Variants in SPATA13 observed in about 807,000 individuals in gnomAD.
SPATA13 encodes the protein spermatogenesis associated 13, also known as spermatogenesis-associated protein 13.
Under a neutral mutation model 104.0 loss-of-function variants are expected in SPATA13, and 50 were observed. The observed-to-expected ratio is 0.48, with a 90% CI of 0.38 to 0.61. The LOEUF (loss-of-function observed/expected upper bound fraction) is 0.61, where lower values mean the gene tolerates loss of function less well. Among genes scored for constraint, SPATA13 ranks in the 20% least tolerant of loss-of-function variants. The pLI is 0.00. For synonymous variants in SPATA13, 606 were observed against 667.5 expected (o/e 0.91, Z 1.42); for missense variants, 1,524 against 1,690.6 (o/e 0.90, Z 1.73).
chr13:24,006,719 C>G (rs181235867), intron 2 of SPATA13, among the ~76,000 whole-genome samples: 2 of 152,290 alleles, frequency 1.3e-5, no homozygotes, highest in African/African-American at 2.4e-5. Context: ...ATGAGGCCAG[C>G]CTACACATGG....
Position 24,248,028 on chromosome 13 carries a change from C to G in SPATA13, c.1654-1449C>G, listed in dbSNP as rs146696742. On this transcript the variant is annotated intron_variant, in intron 2 of 12. Transcript: ENST00000382108. ...GTGGTTCTGGTTGTCCTCCCTGGGCCCATGGCCTGACTGACAGCCCTTTTT... is the reference window on the plus strand; with the variant it reads ...GTGGTTCTGGTTGTCCTCCCTGGGCGCATGGCCTGACTGACAGCCCTTTTT... 2.1e-3 allele frequency among the ~76,000 whole-genome samples: 314 copies of G among 152,312 alleles called. 1 individual carries two copies. Among genetic ancestry groups the G allele is most frequent in the African/African-American group, 7.3e-3 (305 of 41,568 alleles).
intron 4 of SPATA13, among the ~76,000 whole-genome samples, chr13:24,256,804 G>A (rs1873812703): frequency 1.3e-5 from 2 of 152,350 alleles, no homozygotes; most frequent in South Asian, 4.1e-4. Flanking sequence ...ATAGAGTTGG[G>A]ATAATGAATT....
At position 24,121,376 on chromosome 13, in the gene SPATA13, C is replaced by T. The variant is rs536777338; in HGVS notation, c.-111-101443C>T. Among the ~76,000 whole-genome samples the T allele has an allele frequency of 2.9e-3, 435 of 152,222 alleles. 1 individual carries two copies. Among genetic ancestry groups the T allele is most frequent in the Non-Finnish European group, 5.0e-3 (340 of 68,010 alleles). On this transcript the variant is annotated intron_variant, in intron 3 of 14. Transcript: ENST00000424834. ...ACTTGAAATTACCCTTGCCTCACAC[C>T]CCATTACATCTTTTTATAAACAGCA...
At chr13:24,094,637 T>C (rs1880013507) in intron 3 of SPATA13, among the ~76,000 whole-genome samples, 1 of 152,212 alleles carries the variant, frequency 6.6e-6, no homozygotes, top group Non-Finnish European at 1.5e-5. Context: ...TGCACACCTG[T>C]AGTTTCAGCT....
chr13:24,122,658 T>C lies in SPATA13; in HGVS notation c.-111-100161T>C, dbSNP rs2137826043. 4.4e-6 allele frequency: 5 copies of C among 1,124,262 alleles called. No homozygotes were observed. The South Asian group carries it at 6.2e-5, about 14-fold the overall frequency. The allele number at this position is 1,124,262 out of a possible 1,614,324, so 69.6% of individuals were successfully genotyped here. On this transcript the variant is annotated intron_variant, in intron 3 of 14. Coordinates refer to the SPATA13 transcript ENST00000424834. ...GCACATACTGTATATCACTTCAAGA[T>C]ACTTGGTGACAGACAGAAGTGTGTC...
At chr13:24,172,134 C>T (rs905683708) in intron 1 of SPATA13, among the ~76,000 whole-genome samples, 43 of 152,152 alleles carry the variant, frequency 2.8e-4, no homozygotes, top group African/African-American at 1.0e-3. Flanking sequence ...CTCTGTCCCA[C>T]CCTGCCTTTC....
At chr13:24,272,173 G>T (rs1227282387) in intron 4 of SPATA13, among the ~76,000 whole-genome samples, 2 of 152,194 alleles carry the variant, frequency 1.3e-5, no homozygotes, top group Non-Finnish European at 2.9e-5. Context: ...GCACGAACGG[G>T]CAGGGGTGGG....
chr13:24,255,879 T>G (rs980407504), intron 4 of SPATA13, among the ~76,000 whole-genome samples: 1 of 152,194 alleles, frequency 6.6e-6, no homozygotes, highest in South Asian at 2.1e-4. Flanking sequence ...TTGAGACACG[T>G]TGGGGAGATT....
intron 3 of SPATA13, among the ~76,000 whole-genome samples, chr13:24,103,504 A>AAG (rs1555261734): frequency 4.3e-5 from 5 of 115,580 alleles, no homozygotes; most frequent in Non-Finnish European, 7.1e-5. Flanking sequence ...AAAAAAAAAC[A>AAG]AGAAAGAAAA....
intron 1 of SPATA13, among the ~76,000 whole-genome samples, chr13:24,208,189 G>C (rs1472884863): frequency 6.6e-6 from 1 of 152,196 alleles, no homozygotes; most frequent in African/African-American, 2.4e-5. Context: ...TATTGAATGT[G>C]TTCAGAATCA....
At chr13:24,158,789 G>C (rs1882341640), upstream of SPATA13, among the ~76,000 whole-genome samples, 1 of 152,202 alleles carries the variant, frequency 6.6e-6, no homozygotes, top group Non-Finnish European at 1.5e-5. Context: ...AGGTCCCACT[G>C]TCACCGGCTC....
intron 2 of SPATA13, among the ~76,000 whole-genome samples, chr13:24,237,094 A>G (rs1420248758): frequency 6.6e-6 from 1 of 152,190 alleles, no homozygotes; most frequent in African/African-American, 2.4e-5. Context: ...CGCAGGGCTC[A>G]CGTCTGTAAT....
chr13:24,067,891 A>C (rs1374854791), intron 3 of SPATA13, among the ~76,000 whole-genome samples: 1 of 152,188 alleles, frequency 6.6e-6, no homozygotes, highest in African/African-American at 2.4e-5. Flanking sequence ...TTTAGTAGAC[A>C]TGGGGTTTCA....
intron 3 of SPATA13, among the ~76,000 whole-genome samples, chr13:24,108,918 C>T (rs1321535659): frequency 1.3e-5 from 2 of 152,184 alleles, no homozygotes; most frequent in Admixed American, 6.5e-5. Flanking sequence ...AAAAATCTCT[C>T]TTCCCTGCTT....
intron 2 of SPATA13, among the ~76,000 whole-genome samples, chr13:24,243,206 C>G (rs758310913): frequency 6.6e-6 from 1 of 152,222 alleles, no homozygotes; most frequent in Non-Finnish European, 1.5e-5. Context: ...ATACCTCACA[C>G]TCATCCTCTT....
intron 2 of SPATA13, among the ~76,000 whole-genome samples, chr13:23,992,876 G>A (rs1407271655): frequency 6.6e-6 from 1 of 152,204 alleles, no homozygotes; most frequent in Admixed American, 6.5e-5. Context: ...TGTGTGTAAA[G>A]TGCTTCTAAC....
chr13:23,987,750 AC>A (rs1875220546), intron 2 of SPATA13, among the ~76,000 whole-genome samples: 1 of 152,046 alleles, frequency 6.6e-6, no homozygotes, highest in Non-Finnish European at 1.5e-5. Context: ...TTTATTTTAC[AC>A]AATTGGAATT....
At chr13:24,285,624 C>A (rs965809115) in intron 5 of SPATA13, among the ~76,000 whole-genome samples, 7 of 148,548 alleles carry the variant, frequency 4.7e-5, no homozygotes, top group African/African-American at 1.7e-4. Flanking sequence ...TCAAGCAATT[C>A]TCCTGCCTCA....
intron 4 of SPATA13, among the ~76,000 whole-genome samples, chr13:24,265,014 G>A (rs1874230198): frequency 6.6e-6 from 1 of 152,188 alleles, no homozygotes; most frequent in Non-Finnish European, 1.5e-5. Context: ...GTGTGTTCAG[G>A]TCCACATTGC....
Sources: allele counts gnomAD v4.1 joint callset (sites outside exome capture counted in the v4.1 genomes callset), GRCh38; gene constraint gnomAD v4.1.1; transcripts MANE v1.5; gene names NCBI Gene and HGNC (gene_info 2026-07-23, HGNC 2026-07-21).